Variants in STARD9 observed in about 807,000 individuals in gnomAD.
The protein encoded by STARD9 is stAR-related lipid transfer protein 9.
A neutral mutation model predicts 399.8 loss-of-function variants in STARD9; 346 were observed. That is an observed-to-expected ratio of 0.87 (90% CI 0.79 to 0.95). STARD9 has a LOEUF of 0.95. Among genes scored for constraint, STARD9 ranks in the 40% least tolerant of loss-of-function variants. The pLI is 0.00. For missense variants in STARD9, 5,832 were observed against 5,667.5 expected (o/e 1.03, Z -0.93); for synonymous variants, 2,203 against 2,143.5 (o/e 1.03, Z -0.77).
At chr15:42,650,488 G>T (rs1284817876) in intron 7 of STARD9, among the ~76,000 whole-genome samples, 1 of 152,170 alleles carries the variant, frequency 6.6e-6, no homozygotes, top group Non-Finnish European at 1.5e-5. Flanking sequence ...TGTGGAACCT[G>T]TCCTGACCAC....
intron 2 of STARD9, among the ~76,000 whole-genome samples, chr15:42,585,121 T>G (rs529068465): frequency 2.6e-5 from 4 of 152,154 alleles, no homozygotes; most frequent in African/African-American, 9.7e-5. Flanking sequence ...CAAGATATTA[T>G]GTATATGCAA....
intron 25 of STARD9, 36 bp downstream of exon 25, chr15:42,695,359 G>T (rs1209351031): frequency 6.0e-6 from 9 of 1,494,138 alleles, no homozygotes; most frequent in Non-Finnish European, 7.1e-6. Context: ...TTCAGGATAG[G>T]CCTGGACCTC....
intron 3 of STARD9, among the ~76,000 whole-genome samples, chr15:42,591,979 A>G (rs752831206): frequency 1.3e-5 from 2 of 152,252 alleles, no homozygotes; most frequent in Non-Finnish European, 2.9e-5. Flanking sequence ...GTGGTGGAGC[A>G]AGAATTCAAA....
Position 42,638,694 on chromosome 15 carries a change from C to T in STARD9, c.447-6C>T, listed in dbSNP as rs1566894433. The T allele has an allele frequency of 6.6e-7, 1 of 1,519,976 alleles. No individual in the cohort carries two copies. The highest frequency in any genetic ancestry group is 8.8e-7 in the Non-Finnish European group (1 of 1,136,810). The allele number at this position is 1,519,976 out of a possible 1,614,324, so 94.2% of individuals were successfully genotyped here. A position where few individuals can be genotyped will look rare whatever the true frequency, so the allele number is the denominator to read the frequency against. ...AATTATGTTGCCTTTTTCTACTTAA[C>T]TCTAGTTTTCTAGAAATCTATAATG... On this transcript the variant is annotated splice_region_variant and splice_polypyrimidine_tract_variant and intron_variant, in intron 6 of 32. Coordinates refer to ENST00000290607, the MANE Select transcript of STARD9 (RefSeq NM_020759.3).
chr15:42,684,494 C>G lies in STARD9; in HGVS notation c.2916C>G (p.Thr972=). The part of the protein sequence containing the change: ...RHEPKIFTST[T]QTRGAKGLAD... Reference sequence around the variant, plus strand: ...AGCCAAAGATCTTCACCTCTACTACCCAGACCAGAGGGGCGAAGGGACTAG... The same window carrying G: ...AGCCAAAGATCTTCACCTCTACTACGCAGACCAGAGGGGCGAAGGGACTAG... The change falls in exon 23 of 33, where the codon ACC becomes ACG. Residue 972 remains threonine (T), a synonymous_variant. Coordinates refer to ENST00000290607, the MANE Select transcript of STARD9 (RefSeq NM_020759.3). The G allele has an allele frequency of 1.3e-6, 2 of 1,537,196 alleles. No individual in the cohort carries two copies. Among genetic ancestry groups the G allele is most frequent in the Admixed American group, 2.0e-5 (1 of 50,996 alleles).
intron 7 of STARD9, among the ~76,000 whole-genome samples, chr15:42,644,939 C>T (rs1486062537): frequency 6.6e-6 from 1 of 152,176 alleles, no homozygotes; most frequent in East Asian, 1.9e-4. Flanking sequence ...CCATAAGAAG[C>T]AACTCATCAT....
At chr15:42,637,337 C>T (rs1398382520) in intron 4 of STARD9, among the ~76,000 whole-genome samples, 1 of 152,002 alleles carries the variant, frequency 6.6e-6, no homozygotes, top group Non-Finnish European at 1.5e-5. Flanking sequence ...CTTAGCCTCC[C>T]GATTAGCTGA....
intron 25 of STARD9, 127 bp downstream of exon 25, chr15:42,695,450 G>A: frequency 2.1e-6 from 2 of 941,352 alleles, no homozygotes; most frequent in Non-Finnish European, 3.1e-6. Flanking sequence ...GACCCCTGTT[G>A]TCAACTCAAA....
chr15:42,675,374 G>C (rs2060288841), intron 18 of STARD9: 2 of 474,416 alleles, frequency 4.2e-6, no homozygotes, highest in South Asian at 4.9e-5. Context: ...TGCAAATTCT[G>C]TCTGTTCTTT....
chr15:42,661,049 T>C (rs146841902), intron 9 of STARD9, 109 bp from the exon 10 acceptor site: 2 of 742,116 alleles, frequency 2.7e-6, no homozygotes, highest in Admixed American at 4.4e-5. Context: ...TACAGATTTG[T>C]TGAGTGAATT....
rs2060731740 is a variant in STARD9, at chr15:42,692,457, G to A, written c.10879G>A (p.Gly3627Ser). The A allele has an allele frequency of 6.5e-7, 1 of 1,537,000 alleles. No individual in the cohort carries two copies. The highest frequency in any genetic ancestry group is 8.7e-7 in the Non-Finnish European group (1 of 1,146,918). Residue 3627 changes from glycine (G) to serine (S), a missense_variant, in exon 23 of 33, where the codon GGC becomes AGC. Gly to Ser is a moderately conservative substitution (Grantham distance 56). Transcript: ENST00000290607. Reference sequence around the variant, plus strand: ...TATGCTGCTGTATCCATCAGAGGCAGGCTGCCCTGTGGGACAGACCAGGAC... The same window carrying A: ...TATGCTGCTGTATCCATCAGAGGCAAGCTGCCCTGTGGGACAGACCAGGAC... Reference protein sequence around the residue: ...EIMLLYPSEAGCPVGQTRTNT... With the variant: ...EIMLLYPSEASCPVGQTRTNT...
chr15:42,591,442 C>G (rs1018573412), intron 3 of STARD9, among the ~76,000 whole-genome samples: 1 of 151,136 alleles, frequency 6.6e-6, no homozygotes, highest in South Asian at 2.1e-4. Flanking sequence ...AAGCCGAGAT[C>G]GCACCACTGC....
chr15:42,691,419 C>T lies in STARD9; in HGVS notation c.9841C>T (p.Pro3281Ser), dbSNP rs2140281072. Residue 3281 changes from proline (P) to serine (S), a missense_variant, in exon 23 of 33, where the codon CCG becomes TCG. Coordinates refer to ENST00000290607, the MANE Select transcript of STARD9 (RefSeq NM_020759.3). ...TGTGTCCTTGAGGCAAAATGAAACA[C>T]CGCAGCCTGCTGCTCAGAGGAGTGG... ...ATVSLRQNET[P>S]QPAAQRSGHL... 6.5e-7 allele frequency: 1 copy of T among 1,537,228 alleles called. No individual in the cohort carries two copies. The highest frequency in any genetic ancestry group is 8.7e-7 in the Non-Finnish European group (1 of 1,146,904).
At position 42,692,482 on chromosome 15, in the gene STARD9, C is replaced by T. The variant is rs997284228; in HGVS notation, c.10904C>T (p.Thr3635Met). ...GGCTGCCCTGTGGGACAGACCAGGA[C>T]GAACACATTCGAACAGGGCACACAG... is the stretch of plus-strand genomic sequence containing the variant. The part of the protein sequence containing the change: ...EAGCPVGQTR[T>M]NTFEQGTQTL... Residue 3635 changes from threonine (T) to methionine (M), a missense_variant, in exon 23 of 33, where the codon ACG (threonine) becomes ATG (methionine). Coordinates refer to ENST00000290607, the MANE Select transcript of STARD9 (RefSeq NM_020759.3). 22 of 1,536,956 alleles carry T rather than the reference C, an allele frequency of 1.4e-5. No individual in the cohort carries two copies. The highest frequency in any genetic ancestry group is 1.2e-4 in the East Asian group (5 of 40,920).
Position 42,674,881 on chromosome 15 carries a change from G to T in STARD9, c.1604G>T (p.Gly535Val), listed in dbSNP as rs1322811819. The change falls in exon 18 of 33, where the codon GGT (glycine) becomes GTT (valine). Residue 535 changes from glycine to valine, a missense_variant. Coordinates refer to ENST00000290607, the MANE Select transcript of STARD9 (RefSeq NM_020759.3). ...RDHCTITSAC[G>V]VVVLRPARGA... Reference sequence around the variant, plus strand: ...CACTGCACTATCACCAGTGCCTGTGGTGTAGTTGTTCTACGACCTGCCCGT... The same window carrying T: ...CACTGCACTATCACCAGTGCCTGTGTTGTAGTTGTTCTACGACCTGCCCGT... The T allele has an allele frequency of 1.3e-6, 2 of 1,536,984 alleles. No homozygotes were observed. The highest frequency in any genetic ancestry group is 2.4e-5 in the South Asian group (2 of 84,030).
intron 3 of STARD9, among the ~76,000 whole-genome samples, chr15:42,602,939 G>A (rs1329780486): frequency 2.0e-5 from 3 of 152,180 alleles, no homozygotes; most frequent in Admixed American, 2.0e-4. Context: ...GTTGGCGTGA[G>A]AGCCTTAGGT....
chr15:42,595,948 G>C (rs773451984), intron 3 of STARD9, among the ~76,000 whole-genome samples: 1 of 152,138 alleles, frequency 6.6e-6, no homozygotes, highest in African/African-American at 2.4e-5. Flanking sequence ...TTAGAAACTT[G>C]ACTGTGAATC....
intron 3 of STARD9, among the ~76,000 whole-genome samples, chr15:42,613,348 C>T (rs139197926): frequency 1.3e-4 from 20 of 152,170 alleles, no homozygotes; most frequent in Non-Finnish European, 2.2e-4. Flanking sequence ...TAGCATTTAG[C>T]AAAGAGGGGA....
chr15:42,715,590 G>A (rs529049962), intron 26 of STARD9, among the ~76,000 whole-genome samples: 125 of 150,406 alleles, frequency 8.3e-4, no homozygotes, highest in African/African-American at 2.7e-3. Context: ...GCACAATCTC[G>A]GCTCACTGCA....
Sources: allele counts gnomAD v4.1 joint callset (sites outside exome capture counted in the v4.1 genomes callset), GRCh38; gene constraint gnomAD v4.1.1; transcripts MANE v1.5; gene names NCBI Gene and HGNC (gene_info 2026-07-23, HGNC 2026-07-21).